RGS6: variants seen among roughly 807,000 people sequenced by gnomAD.
RGS6 encodes the protein regulator of G-protein signaling 6.
A neutral mutation model predicts 78.5 loss-of-function variants in RGS6; 30 were observed. The observed-to-expected ratio is 0.38, with a 90% confidence interval of 0.29 to 0.52. RGS6 has a LOEUF of 0.52. RGS6 is among the 20% of genes least tolerant of loss of function. The pLI is 0.85. For synonymous variants in RGS6, 206 were observed against 206.0 expected, an observed-to-expected ratio of 1.00 and a Z score of 0.00; for missense variants, 495 against 609.7, an observed-to-expected ratio of 0.81 and a Z score of 1.98.
chr14:71,987,837 T>C (rs1388450941), intron 2 of RGS6, among the ~76,000 whole-genome samples: 1 of 152,186 alleles, frequency 6.6e-6, no homozygotes, highest in Non-Finnish European at 1.5e-5. Context: ...TTTAAAAAAA[T>C]ATTAATTATG....
the RGS6 span, among the ~76,000 whole-genome samples, chr14:72,603,393 CTTCTGA>C: frequency 2.0e-5 from 3 of 152,232 alleles, no homozygotes; most frequent in Non-Finnish European, 4.4e-5. Context: ...AGGAGATCTG[CTTCTGA>C]TTCTGCCAGG....
At chr14:72,124,607 G>A (rs374172969) in intron 2 of RGS6, among the ~76,000 whole-genome samples, 26 of 152,210 alleles carry the variant, frequency 1.7e-4, no homozygotes, top group African/African-American at 6.0e-4. Context: ...CATTGTTGGC[G>A]AACACAATCT....
At chr14:71,957,288 C>A (rs1051104321) in intron 1 of RGS6, among the ~76,000 whole-genome samples, 1 of 152,064 alleles carries the variant, frequency 6.6e-6, no homozygotes, top group African/African-American at 2.4e-5. Flanking sequence ...TGAGGATGAG[C>A]AGAAAGTGGC....
chr14:72,341,047 T>C (rs960955937), intron 2 of RGS6, among the ~76,000 whole-genome samples: 4 of 152,110 alleles, frequency 2.6e-5, no homozygotes, highest in African/African-American at 7.2e-5. Flanking sequence ...GAATAAAAAA[T>C]ATAGAACATG....
At chr14:72,415,091 G>T (rs1323082642) in intron 3 of RGS6, among the ~76,000 whole-genome samples, 1 of 152,246 alleles carries the variant, frequency 6.6e-6, no homozygotes, top group Non-Finnish European at 1.5e-5. Context: ...ATTTAAGTCT[G>T]CAGAGGTTAC....
the RGS6 span, among the ~76,000 whole-genome samples, chr14:72,607,373 T>G: frequency 6.6e-6 from 1 of 152,164 alleles, no homozygotes. Context: ...ACAGCCACCT[T>G]CTCACTCCAA....
intron 2 of RGS6, among the ~76,000 whole-genome samples, chr14:72,115,448 C>T (rs766475385): frequency 2.0e-5 from 3 of 152,148 alleles, no homozygotes; most frequent in Non-Finnish European, 4.4e-5. Context: ...TGGTCTCTTG[C>T]TGCCTTTCAA....
intron 2 of RGS6, among the ~76,000 whole-genome samples, chr14:72,105,332 C>T (rs2095612180): frequency 6.6e-6 from 1 of 152,156 alleles, no homozygotes; most frequent in African/African-American, 2.4e-5. Context: ...TTTGCCTGGT[C>T]TTACAGTTTA....
intron 2 of RGS6, among the ~76,000 whole-genome samples, chr14:72,243,412 GT>G (rs2153828827): frequency 6.6e-6 from 1 of 152,014 alleles, no homozygotes; most frequent in South Asian, 2.1e-4. Context: ...ATAATACAGT[GT>G]GAGAGACATA....
intron 2 of RGS6, among the ~76,000 whole-genome samples, chr14:71,977,673 G>A (rs950799770): frequency 1.3e-5 from 2 of 150,722 alleles, no homozygotes; most frequent in Non-Finnish European, 1.5e-5. Flanking sequence ...TAGCCTTGTA[G>A]TATAGTTTGA....
At chr14:72,008,202 T>C (rs1485903743) in intron 2 of RGS6, among the ~76,000 whole-genome samples, 2 of 152,192 alleles carry the variant, frequency 1.3e-5, no homozygotes, top group African/African-American at 2.4e-5. Flanking sequence ...GCAGTTATCC[T>C]CTCCTTATCC....
intron 2 of RGS6, among the ~76,000 whole-genome samples, chr14:72,120,644 CA>C (rs1260892432): frequency 3.9e-5 from 6 of 152,158 alleles, no homozygotes; most frequent in African/African-American, 1.4e-4. Flanking sequence ...GTGCAAAGAA[CA>C]ACTTACTGAT....
chr14:72,326,030 C>T (rs1417763571), intron 2 of RGS6, among the ~76,000 whole-genome samples: 2 of 152,192 alleles, frequency 1.3e-5, no homozygotes, highest in Non-Finnish European at 2.9e-5. Flanking sequence ...TCAGAAATTT[C>T]ACTTCTAGGA....
At chr14:71,920,686 G>A in the RGS6 span, among the ~76,000 whole-genome samples, 2 of 152,200 alleles carry the variant, frequency 1.3e-5, no homozygotes, top group Non-Finnish European at 2.9e-5. Context: ...AGAATAATAA[G>A]TATGTCTGGT....
the RGS6 span, among the ~76,000 whole-genome samples, chr14:71,904,985 G>A: frequency 8.2e-5 from 12 of 146,838 alleles, no homozygotes; most frequent in Non-Finnish European, 3.0e-5. Context: ...AGAAAGTGCC[G>A]ATTCCTGGGC....
intron 2 of RGS6, among the ~76,000 whole-genome samples, chr14:71,980,241 G>T: frequency 1.1e-5 from 1 of 92,494 alleles, no homozygotes; most frequent in East Asian, 3.2e-4. Context: ...TCTTTTAATT[G>T]GAGCATTTAG....
At chr14:72,409,549 C>T (rs2093230531) in intron 3 of RGS6, among the ~76,000 whole-genome samples, 1 of 150,690 alleles carries the variant, frequency 6.6e-6, no homozygotes, top group Non-Finnish European at 1.5e-5. Flanking sequence ...AAAGTGGCAA[C>T]TGCCTATTTT....
intron 2 of RGS6, among the ~76,000 whole-genome samples, chr14:72,035,415 A>T (rs556783044): frequency 2.6e-5 from 4 of 151,838 alleles, no homozygotes; most frequent in African/African-American, 9.7e-5. Context: ...ATTGGTCTTT[A>T]AAAAAACTCA....
intron 13 of RGS6, among the ~76,000 whole-genome samples, chr14:72,500,174 G>C (rs1309196805): frequency 2.6e-5 from 4 of 152,220 alleles, no homozygotes; most frequent in African/African-American, 9.7e-5. Flanking sequence ...CCAAGGAGGT[G>C]CTACCTGCCC....
Sources: allele counts gnomAD v4.1 joint callset (sites outside exome capture counted in the v4.1 genomes callset), GRCh38; gene constraint gnomAD v4.1.1; transcripts MANE v1.5; gene names NCBI Gene and HGNC (gene_info 2026-07-23, HGNC 2026-07-21).